The following CCDC85A variants were observed in gnomAD, a reference collection of about 807,000 sequenced individuals.
CCDC85A encodes the protein coiled-coil domain containing 85A, also known as coiled-coil domain-containing protein 85A.
In CCDC85A, 38 loss-of-function variants were observed where a neutral mutation model predicts 50.2. The ratio of observed to expected loss-of-function variants is 0.76; its 90% confidence interval spans 0.58 to 0.99. The LOEUF (loss-of-function observed/expected upper bound fraction) is 0.99. Ranked by LOEUF, CCDC85A falls within the 50% of genes least tolerant of loss-of-function variation. CCDC85A has a pLI of 0.00. For synonymous variants in CCDC85A, 366 were observed against 301.4 expected, an observed-to-expected ratio of 1.21 and a Z score of -2.22; for missense variants, 820 against 742.0, an observed-to-expected ratio of 1.11 and a Z score of -1.22.
At chr2:56,347,879 A>G (rs905752315) in intron 3 of CCDC85A, among the ~76,000 whole-genome samples, 5 of 152,206 alleles carry the variant, frequency 3.3e-5, no homozygotes, top group Non-Finnish European at 7.3e-5. Flanking sequence ...TAATCCAGAC[A>G]TAGTCGATAT....
intron 3 of CCDC85A, among the ~76,000 whole-genome samples, chr2:56,358,033 G>T (rs1464039573): frequency 6.6e-6 from 1 of 152,106 alleles, no homozygotes; most frequent in Non-Finnish European, 1.5e-5. Context: ...GACAGGGCAA[G>T]GTTTGTGTCC....
intron 2 of CCDC85A, among the ~76,000 whole-genome samples, chr2:56,205,370 A>C (rs1047962300): frequency 1.8e-4 from 28 of 152,134 alleles, no homozygotes; most frequent in African/African-American, 6.5e-4. Flanking sequence ...TTTACAGCTG[A>C]CATTTGAACT....
chr2:56,319,669 C>G (rs1673077834), intron 2 of CCDC85A, among the ~76,000 whole-genome samples: 1 of 152,058 alleles, frequency 6.6e-6, no homozygotes, highest in South Asian at 2.1e-4. Flanking sequence ...TATGCATGTA[C>G]CAGCGATCAT....
intron 2 of CCDC85A, among the ~76,000 whole-genome samples, chr2:56,286,043 A>G (rs1459172893): frequency 7.5e-6 from 1 of 132,484 alleles, no homozygotes; most frequent in Admixed American, 8.0e-5. Flanking sequence ...AAGATGTTTT[A>G]TTGTTGTTTG....
chr2:56,207,247 G>A (rs1009804701), intron 2 of CCDC85A, among the ~76,000 whole-genome samples: 5 of 152,154 alleles, frequency 3.3e-5, no homozygotes, highest in African/African-American at 9.7e-5. Flanking sequence ...TTTGAGCCCT[G>A]GAAGGTCTGT....
At chr2:56,311,894 C>G (rs1333753274) in intron 2 of CCDC85A, among the ~76,000 whole-genome samples, 1 of 152,082 alleles carries the variant, frequency 6.6e-6, no homozygotes, top group Non-Finnish European at 1.5e-5. Context: ...CATCCCAGCA[C>G]AAACCTCCTG....
chr2:56,288,889 C>T (rs780487525), intron 2 of CCDC85A, among the ~76,000 whole-genome samples: 6 of 152,172 alleles, frequency 3.9e-5, no homozygotes, highest in Non-Finnish European at 7.3e-5. Context: ...GAAATCACAT[C>T]TGCTCTCTGC....
chr2:56,250,438 G>A (rs1275752071), intron 2 of CCDC85A, among the ~76,000 whole-genome samples: 1 of 152,138 alleles, frequency 6.6e-6, no homozygotes, highest in Non-Finnish European at 1.5e-5. Flanking sequence ...AAAAGTTATT[G>A]TACTAGCCTA....
chr2:56,347,485 T>A (rs747270570), intron 3 of CCDC85A, among the ~76,000 whole-genome samples: 2 of 152,270 alleles, frequency 1.3e-5, no homozygotes, highest in African/African-American at 2.4e-5. Context: ...ATTTGTTAGA[T>A]GTTTATTGCA....
intron 5 of CCDC85A, 45 bp downstream of exon 5, chr2:56,375,980 C>A: frequency 6.3e-7 from 1 of 1,595,764 alleles, no homozygotes; most frequent in South Asian, 1.1e-5. Context: ...TCAGTTGTGT[C>A]GTCGCTTGTT....
At chr2:56,189,297 GTT>G (rs70955011) in intron 1 of CCDC85A, among the ~76,000 whole-genome samples, 12 of 121,938 alleles carry the variant, frequency 9.8e-5, no homozygotes, top group Non-Finnish European at 1.1e-4. Flanking sequence ...TATTTTTGGT[GTT>G]TTTTTTTTTT....
chr2:56,323,130 A>C (rs931423755), intron 2 of CCDC85A, among the ~76,000 whole-genome samples: 9 of 152,094 alleles, frequency 5.9e-5, no homozygotes, highest in Admixed American at 3.3e-4. Flanking sequence ...AACATCACAC[A>C]CCAGGGCCTG....
chr2:56,326,243 T>C (rs1268150620), intron 2 of CCDC85A, among the ~76,000 whole-genome samples: 1 of 152,148 alleles, frequency 6.6e-6, no homozygotes, highest in African/African-American at 2.4e-5. Flanking sequence ...GCTGTCAATC[T>C]TTTATCTGTA....
rs1321212978 is a variant in CCDC85A at position 56,187,782 on chromosome 2, A to G, written c.276+2882A>G. On this transcript the variant is annotated intron_variant, in intron 1 of 5. Coordinates refer to ENST00000407595, the MANE Select transcript of CCDC85A (RefSeq NM_001080433.2). The stretch of plus-strand genomic sequence containing the variant: ...GGGGTGGATGAGGGAGATTCTAGTT[A>G]GGGTTATGTTGTAAGGAACTGGATT... Among the ~76,000 whole-genome samples the G allele has an allele frequency of 2.6e-5, 4 of 152,262 alleles. No individual in the cohort carries two copies. In the East Asian group the frequency reaches 7.7e-4, roughly 29 times the overall value.
intron 2 of CCDC85A, among the ~76,000 whole-genome samples, chr2:56,333,421 A>G (rs1474996142): frequency 6.6e-6 from 1 of 152,224 alleles, no homozygotes; most frequent in Non-Finnish European, 1.5e-5. Flanking sequence ...TGGCTGGTGC[A>G]GAGTGAATGA....
chr2:56,375,015 T>G (rs1006930789), intron 4 of CCDC85A, among the ~76,000 whole-genome samples: 11 of 152,184 alleles, frequency 7.2e-5, no homozygotes, highest in Admixed American at 3.9e-4. Flanking sequence ...TAAAAATAGA[T>G]TTGGAAAATT....
intron 2 of CCDC85A, among the ~76,000 whole-genome samples, chr2:56,303,758 G>C (rs958473000): frequency 5.3e-5 from 8 of 152,120 alleles, no homozygotes; most frequent in African/African-American, 1.9e-4. Flanking sequence ...GTTTTGAAAT[G>C]TCCTTGGTGA....
chr2:56,372,400 C>T lies in CCDC85A; in HGVS notation c.1374C>T (p.Gly458=). 1 of 1,603,200 alleles carries T rather than the reference C, an allele frequency of 6.2e-7. No individual in the cohort carries two copies. The highest frequency in any genetic ancestry group is 1.1e-5 in the South Asian group (1 of 88,706). Residue 458 remains glycine, a synonymous_variant, in exon 4 of 6, where the codon GGC becomes GGT. Coordinates refer to ENST00000407595, the MANE Select transcript of CCDC85A (RefSeq NM_001080433.2). ...PTRNSSNMEK[G]WGSRARRVLQ... Reference sequence around the variant, plus strand: ...GAAACAGCTCAAATATGGAGAAAGGCTGGGGGTCCAGAGCCCGGCGGGTCT... The same window carrying T: ...GAAACAGCTCAAATATGGAGAAAGGTTGGGGGTCCAGAGCCCGGCGGGTCT...
chr2:56,307,117 T>A (rs1031652409), intron 2 of CCDC85A, among the ~76,000 whole-genome samples: 1 of 152,200 alleles, frequency 6.6e-6, no homozygotes, highest in African/African-American at 2.4e-5. Flanking sequence ...TATAATTTAG[T>A]TCCTATGCTT....
Sources: gnomAD v4.1 joint callset for allele counts (sites outside exome capture counted in the v4.1 genomes callset) on GRCh38, gnomAD v4.1.1 for gene constraint, MANE v1.5 for transcripts, NCBI Gene and HGNC (gene_info 2026-07-23, HGNC 2026-07-21) for gene names.